ZNF722: variants seen among roughly 807,000 people sequenced by gnomAD.
ZNF722 encodes zinc finger protein 479 pseudogene.
the ZNF722 span, among the ~76,000 whole-genome samples, chr7:64,014,425 G>A: frequency 1.3e-5 from 2 of 151,980 alleles, no homozygotes; most frequent in Non-Finnish European, 2.9e-5. Context: ...CTTTGGTTGA[G>A]ATTTAGACAT....
chr7:64,008,601 A>G, the ZNF722 span, among the ~76,000 whole-genome samples: 13 of 152,036 alleles, frequency 8.6e-5, no homozygotes, highest in African/African-American at 1.9e-4. Context: ...CCATTGGTCT[A>G]TATCTCTGTT....
the ZNF722 span, among the ~76,000 whole-genome samples, chr7:64,012,846 G>A: frequency 0.73 from 110,543 of 151,962 alleles, 40,597 homozygotes; most frequent in Admixed American, 0.78. Flanking sequence ...ATCCCTTATG[G>A]ATGACTTGGC....
At chr7:64,006,410 T>C in the ZNF722 span, 1 of 898,756 alleles carries the variant, frequency 1.1e-6, no homozygotes, top group Admixed American at 3.0e-5. Flanking sequence ...TGGGGAGCTG[T>C]GCTTCGATGG....
chr7:63,998,935 T>C, the ZNF722 span: 1 of 1,573,928 alleles, frequency 6.4e-7, no homozygotes, highest in East Asian at 2.2e-5. Flanking sequence ...CTCTGTGGCC[T>C]TGTGTCCTGC....
At chr7:64,004,176 G>A in the ZNF722 span, among the ~76,000 whole-genome samples, 4 of 151,408 alleles carry the variant, frequency 2.6e-5, no homozygotes, top group Admixed American at 6.6e-5. Flanking sequence ...CAAGGCAGGC[G>A]GATCATGTGA....
the ZNF722 span, chr7:64,015,092 A>C: frequency 5.7e-6 from 8 of 1,412,754 alleles, no homozygotes. Flanking sequence ...CACTCCAAAA[A>C]GTAATACCAA....
At chr7:64,004,421 AAAAAATAT>A in the ZNF722 span, among the ~76,000 whole-genome samples, 2 of 69,444 alleles carry the variant, frequency 2.9e-5, no homozygotes, top group Admixed American at 1.6e-4. Context: ...AAAAAAAAAA[AAAAAATAT>A]ATATATATAT....
chr7:64,005,591 T>G, the ZNF722 span: 1 of 989,762 alleles, frequency 1.0e-6, no homozygotes, highest in Non-Finnish European at 1.6e-6. Context: ...TGTTTTTTGT[T>G]TTTGTTTTTG....
the ZNF722 span, among the ~76,000 whole-genome samples, chr7:64,016,859 A>C: frequency 6.6e-6 from 1 of 152,226 alleles, no homozygotes; most frequent in Non-Finnish European, 1.5e-5. Context: ...GAAATGTGTT[A>C]AATGTGGCAA....
the ZNF722 span, among the ~76,000 whole-genome samples, chr7:64,005,441 A>G: frequency 6.6e-6 from 1 of 152,144 alleles, no homozygotes. Context: ...AGAGTTAGAG[A>G]ATACTTCAGT....
the ZNF722 span, chr7:64,006,151 C>A: frequency 2.5e-6 from 2 of 802,214 alleles, no homozygotes; most frequent in South Asian, 2.5e-5. Context: ...ATCCTCTTTA[C>A]TAACCATAAT....
the ZNF722 span, among the ~76,000 whole-genome samples, chr7:64,016,588 A>G: frequency 3.3e-5 from 5 of 152,326 alleles, no homozygotes; most frequent in African/African-American, 9.6e-5. Context: ...GAGATGTAAT[A>G]CTTAAGAGAA....
At chr7:64,015,824 C>A in the ZNF722 span, 1 of 1,607,746 alleles carries the variant, frequency 6.2e-7, no homozygotes, top group Non-Finnish European at 8.5e-7. Flanking sequence ...AGAAACCCTA[C>A]AAATGTGAAG....
At chr7:64,013,343 A>G in the ZNF722 span, among the ~76,000 whole-genome samples, 3 of 152,112 alleles carry the variant, frequency 2.0e-5, no homozygotes, top group Admixed American at 6.6e-5. Context: ...AGATAGACAT[A>G]ATAGTTATAG....
At chr7:64,001,906 T>A in the ZNF722 span, among the ~76,000 whole-genome samples, 1 of 152,100 alleles carries the variant, frequency 6.6e-6, no homozygotes, top group Non-Finnish European at 1.5e-5. Context: ...ATTTTTAAGA[T>A]GGAGTCTCAC....
the ZNF722 span, among the ~76,000 whole-genome samples, chr7:64,016,364 C>T: frequency 6.6e-6 from 1 of 151,980 alleles, no homozygotes; most frequent in Non-Finnish European, 1.5e-5. Flanking sequence ...TCTCGAACTC[C>T]TAACCTCAGG....
the ZNF722 span, among the ~76,000 whole-genome samples, chr7:64,002,176 C>G: frequency 1.3e-5 from 2 of 152,138 alleles, no homozygotes; most frequent in African/African-American, 4.8e-5. Context: ...CCACAGCACC[C>G]AGCTCCTTGT....
the ZNF722 span, among the ~76,000 whole-genome samples, chr7:64,012,529 G>T: frequency 6.6e-6 from 1 of 152,092 alleles, no homozygotes; most frequent in Non-Finnish European, 1.5e-5. Flanking sequence ...CAACAGTCAA[G>T]TCCCTCAGCT....
the ZNF722 span, among the ~76,000 whole-genome samples, chr7:64,001,560 G>T: frequency 7.9e-5 from 12 of 152,140 alleles, no homozygotes; most frequent in Non-Finnish European, 1.3e-4. Flanking sequence ...ACATACATGT[G>T]CATGTGTCTT....
Sources: allele counts gnomAD v4.1 joint callset (sites outside exome capture counted in the v4.1 genomes callset), GRCh38; gene constraint gnomAD v4.1.1; transcripts MANE v1.5; gene names NCBI Gene and HGNC (gene_info 2026-07-23, HGNC 2026-07-21).